Variants in DPYSL5 observed in about 807,000 individuals in gnomAD.
The protein encoded by DPYSL5 is dihydropyrimidinase like 5.
DPYSL5 carries 9 observed loss-of-function variants against 58.4 expected under a neutral mutation model. The ratio of observed to expected loss-of-function variants is 0.15; its 90% CI spans 0.09 to 0.27. The LOEUF (loss-of-function observed/expected upper bound fraction) is 0.27, where lower values mean the gene tolerates loss of function less well. Among genes scored for constraint, DPYSL5 ranks in the 10% least tolerant of loss-of-function variants. The pLI, the probability that DPYSL5 is intolerant of heterozygous loss-of-function variation, is 1.00. For synonymous variants in DPYSL5, 293 were observed against 301.9 expected (o/e 0.97, Z 0.31); for missense variants, 499 against 770.6 (o/e 0.65, Z 4.17).
chr2:26,888,163 ATTCT>A (rs111399707), intron 1 of DPYSL5, among the ~76,000 whole-genome samples: 6 of 151,100 alleles, frequency 4.0e-5, no homozygotes, highest in Admixed American at 6.6e-5. Flanking sequence ...CATACTTCTG[ATTCT>A]TTCTTTCTCT....
chr2:26,935,651 T>C (rs1017061693), intron 8 of DPYSL5, among the ~76,000 whole-genome samples: 2 of 140,744 alleles, frequency 1.4e-5, no homozygotes, highest in South Asian at 4.5e-4. Flanking sequence ...ATCATGCCAC[T>C]GCACTCCAGC....
At chr2:26,850,578 T>C (rs1397739722) in intron 1 of DPYSL5, among the ~76,000 whole-genome samples, 2 of 152,076 alleles carry the variant, frequency 1.3e-5, no homozygotes, top group Non-Finnish European at 2.9e-5. Flanking sequence ...GTTCCCAGAC[T>C]GGGCGATACT....
At chr2:26,882,403 G>T (rs1663592849) in intron 1 of DPYSL5, among the ~76,000 whole-genome samples, 1 of 149,526 alleles carries the variant, frequency 6.7e-6, no homozygotes, top group South Asian at 2.1e-4. Context: ...ACACCACCAT[G>T]CCCAGCTTAT....
chr2:26,942,530 G>A lies in DPYSL5; in HGVS notation c.1233-13G>A. 1.9e-6 allele frequency: 3 copies of A among 1,611,908 alleles called. No individual in the cohort carries two copies. The South Asian group carries it at 3.3e-5, about 18-fold the overall frequency. ...CCTCAGCGCTTTCTCTCCCGCCATTGCCTCCCCACCAGGACCATCTCAGCC... is the reference window on the plus strand; with the variant it reads ...CCTCAGCGCTTTCTCTCCCGCCATTACCTCCCCACCAGGACCATCTCAGCC... On this transcript the variant is annotated splice_polypyrimidine_tract_variant and intron_variant, in intron 10 of 12. Transcript: ENST00000288699. This position sits in a 1 kb window ranked among gnomAD's most constrained non-coding sequence, Gnocchi z 5.9.
At position 26,925,050 on chromosome 2, in the gene DPYSL5, C is replaced by T. The variant is rs1389976864; in HGVS notation, c.420+5C>T. 1.2e-6 allele frequency: 2 copies of T among 1,613,690 alleles called. No homozygotes were observed. The highest frequency in any genetic ancestry group is 4.5e-5 in the East Asian group (2 of 44,860). Reference sequence around the variant, plus strand: ...ATCACCTGGTGGGCACCCAAGGTAACAGTGCTGGTGGGATCCCAGAAGAAG... The same window carrying T: ...ATCACCTGGTGGGCACCCAAGGTAATAGTGCTGGTGGGATCCCAGAAGAAG... On this transcript the variant is annotated splice_donor_5th_base_variant and intron_variant, in intron 3 of 12. Transcript: ENST00000288699. This position sits in a 1 kb window ranked among gnomAD's most constrained non-coding sequence, Gnocchi z 4.5.
At chr2:26,884,705 C>T (rs1162345151) in intron 1 of DPYSL5, among the ~76,000 whole-genome samples, 1 of 152,196 alleles carries the variant, frequency 6.6e-6, no homozygotes, top group Admixed American at 6.5e-5. Context: ...ACTGATGGTC[C>T]TTGTTCATTA....
intron 8 of DPYSL5, among the ~76,000 whole-genome samples, chr2:26,937,872 A>G (rs776245865): frequency 1.8e-4 from 28 of 152,010 alleles, no homozygotes; most frequent in Non-Finnish European, 3.5e-4. Flanking sequence ...CACCGTGCCC[A>G]GCCTAATTTT....
intron 2 of DPYSL5, among the ~76,000 whole-genome samples, chr2:26,907,936 G>GTCAGCATGGAGTGGGAGTTA (rs1664339260): frequency 6.6e-6 from 1 of 152,188 alleles, no homozygotes; most frequent in Non-Finnish European, 1.5e-5. Context: ...AGAAATGGAT[G>GTCAGCATGGAGTGGGAGTTA]TCAGCATGGA....
At chr2:26,881,426 C>G (rs1185008727) in intron 1 of DPYSL5, among the ~76,000 whole-genome samples, 3 of 152,204 alleles carry the variant, frequency 2.0e-5, no homozygotes, top group African/African-American at 7.2e-5. Flanking sequence ...GTCACAGTGG[C>G]TCACCCACCT....
At chr2:26,935,691 C>CAA (rs60367850) in intron 8 of DPYSL5, among the ~76,000 whole-genome samples, 63,168 of 122,256 alleles carry the variant, frequency 0.52, 16,695 homozygotes, top group South Asian at 0.64. Flanking sequence ...GACTCCATCT[C>CAA]AAAAAAAAAA....
chr2:26,919,411 G>C (rs1044476280), intron 2 of DPYSL5, among the ~76,000 whole-genome samples: 2 of 152,164 alleles, frequency 1.3e-5, no homozygotes, highest in African/African-American at 4.8e-5. Flanking sequence ...TTACCCAGTA[G>C]TATGTTATAA....
intron 2 of DPYSL5, among the ~76,000 whole-genome samples, chr2:26,917,957 G>A (rs1319903961): frequency 2.6e-5 from 4 of 151,904 alleles, no homozygotes; most frequent in African/African-American, 9.7e-5. Flanking sequence ...CCAACATGGT[G>A]AAATCCCGTC....
intron 1 of DPYSL5, among the ~76,000 whole-genome samples, chr2:26,865,202 A>G (rs373412599): frequency 5.1e-4 from 77 of 151,774 alleles, no homozygotes; most frequent in African/African-American, 1.7e-3. Flanking sequence ...ACCTTTGTTC[A>G]CATCCTTCAT....
At chr2:26,878,613 A>G (rs1169523957) in intron 1 of DPYSL5, among the ~76,000 whole-genome samples, 1 of 152,148 alleles carries the variant, frequency 6.6e-6, no homozygotes, top group East Asian at 1.9e-4. Context: ...AGCATTTTAT[A>G]CTTTTCTCTC....
At chr2:26,915,684 CT>C (rs1664545821) in intron 2 of DPYSL5, among the ~76,000 whole-genome samples, 1 of 152,132 alleles carries the variant, frequency 6.6e-6, no homozygotes. Flanking sequence ...AATGGTTTTC[CT>C]AAGCCTCACC....
intron 1 of DPYSL5, among the ~76,000 whole-genome samples, chr2:26,854,314 C>G (rs773337929): frequency 4.0e-4 from 61 of 152,172 alleles, no homozygotes; most frequent in Non-Finnish European, 7.1e-4. Flanking sequence ...CAAAAATTAG[C>G]CAGGCATGGT....
chr2:26,897,838 A>G (rs1407486922), intron 1 of DPYSL5, among the ~76,000 whole-genome samples: 1 of 152,226 alleles, frequency 6.6e-6, no homozygotes, highest in Admixed American at 6.5e-5. Flanking sequence ...GCTTGGGCAT[A>G]CATAGTTGTC....
intron 8 of DPYSL5, among the ~76,000 whole-genome samples, chr2:26,936,366 C>A (rs1462240745): frequency 1.3e-5 from 2 of 152,162 alleles, no homozygotes; most frequent in African/African-American, 4.8e-5. Flanking sequence ...GGTTGCCAAC[C>A]ACTGGAAAAC....
chr2:26,926,732 A>G (rs1393550024), intron 3 of DPYSL5, among the ~76,000 whole-genome samples: 1 of 152,164 alleles, frequency 6.6e-6, no homozygotes, highest in African/African-American at 2.4e-5. Flanking sequence ...ACCTGAACTT[A>G]TTTTCCTGTT....
Sources: gnomAD v4.1 joint callset for allele counts (sites outside exome capture counted in the v4.1 genomes callset) on GRCh38, gnomAD v4.1.1 for gene constraint, Gnocchi (gnomAD v3.1) non-coding constraint, MANE v1.5 for transcripts, NCBI Gene and HGNC (gene_info 2026-07-23, HGNC 2026-07-21) for gene names.